Variants in PEX7 observed in about 807,000 individuals in gnomAD.
PEX7 encodes PTS2 receptor.
A neutral mutation model predicts 47.5 loss-of-function variants in PEX7; 34 were observed. That is an observed-to-expected ratio of 0.72 (90% CI 0.54 to 0.95). The LOEUF is 0.95. Ranked by LOEUF, PEX7 falls within the 40% of genes least tolerant of loss-of-function variation. PEX7 has a pLI of 0.00. For synonymous variants in PEX7, 141 were observed against 148.8 expected (o/e 0.95, Z 0.38); for missense variants, 394 against 400.3 (o/e 0.98, Z 0.13).
rs148972321 is a variant in PEX7, at chr6:136,893,072, A to G, written c.804-5070A>G. Among the ~76,000 whole-genome samples the G allele has an allele frequency of 7.2e-3, 1,103 of 152,302 alleles. 20 individuals carry two copies. Among genetic ancestry groups the G allele is most frequent in the African/African-American group, 0.025 (1,041 of 41,570 alleles). ...GAGGTGTATGGGACCCCTCTTCACT[A>G]TCTTCACAAGTTATCTGTAAATTTA... On this transcript the variant is annotated intron_variant, in intron 8 of 9. Transcript: ENST00000318471.
At chr6:136,870,975 A>C (rs1446233567) in intron 7 of PEX7, 1 of 153,612 alleles carries the variant, frequency 6.5e-6, no homozygotes, top group Non-Finnish European at 1.5e-5. Flanking sequence ...CTGGGATTAC[A>C]GGCTGAGTCA....
At chr6:136,889,246 TG>T (rs1010973333) in intron 8 of PEX7, among the ~76,000 whole-genome samples, 2 of 152,208 alleles carry the variant, frequency 1.3e-5, no homozygotes, top group African/African-American at 4.8e-5. Flanking sequence ...AGTATACTTT[TG>T]TAAGTTAAGT....
intron 5 of PEX7, among the ~76,000 whole-genome samples, chr6:136,848,202 T>TG (rs1337713518): frequency 3.3e-5 from 5 of 152,376 alleles, no homozygotes; most frequent in African/African-American, 1.2e-4. Flanking sequence ...TTTTGTATCC[T>TG]GAGACTTTGC....
At chr6:136,897,513 A>G (rs1330718092) in intron 8 of PEX7, among the ~76,000 whole-genome samples, 2 of 152,242 alleles carry the variant, frequency 1.3e-5, no homozygotes, top group Non-Finnish European at 1.5e-5. Context: ...ATATTGGCTC[A>G]GGAAAATACA....
intron 9 of PEX7, among the ~76,000 whole-genome samples, chr6:136,904,084 G>A (rs1304716199): frequency 6.6e-6 from 1 of 152,168 alleles, no homozygotes; most frequent in Non-Finnish European, 1.5e-5. Context: ...ATTCTTTAAT[G>A]AGTTTAGAAA....
At chr6:136,864,504 C>T (rs1212023787) in intron 5 of PEX7, among the ~76,000 whole-genome samples, 8 of 152,160 alleles carry the variant, frequency 5.3e-5, no homozygotes, top group Non-Finnish European at 1.2e-4. Context: ...GGATTAGAAC[C>T]AAGCTCAGGA....
At chr6:136,843,259 G>A (rs1774534845) in intron 3 of PEX7, among the ~76,000 whole-genome samples, 1 of 152,156 alleles carries the variant, frequency 6.6e-6, no homozygotes, top group East Asian at 1.9e-4. Flanking sequence ...TATAAATGAA[G>A]ATTAAATGAA....
At chr6:136,903,298 T>C (rs998164102) in intron 9 of PEX7, among the ~76,000 whole-genome samples, 24 of 151,850 alleles carry the variant, frequency 1.6e-4, no homozygotes, top group Non-Finnish European at 3.2e-4. Context: ...GTGTGTGTAT[T>C]TTTCAAAGTT....
intron 1 of PEX7, chr6:136,823,325 T>C (rs1231212446): frequency 2.0e-6 from 2 of 985,296 alleles, no homozygotes; most frequent in Non-Finnish European, 2.4e-6. Context: ...CCATGAAATA[T>C]ATCAAGTTCA....
chr6:136,886,693 T>C (rs949619140), intron 8 of PEX7, among the ~76,000 whole-genome samples: 6 of 152,122 alleles, frequency 3.9e-5, no homozygotes, highest in African/African-American at 1.4e-4. Flanking sequence ...GTGAATATGG[T>C]GCAGCATGAA....
chr6:136,909,379 C>T (rs561502273), intron 9 of PEX7, among the ~76,000 whole-genome samples: 58 of 152,302 alleles, frequency 3.8e-4, no homozygotes, highest in African/African-American at 1.4e-3. Context: ...ACATCTCTGA[C>T]CTCACACCTA....
At chr6:136,869,732 T>C (rs1775140194) in intron 6 of PEX7, among the ~76,000 whole-genome samples, 158 bp from the exon 7 acceptor site, 2 of 152,218 alleles carry the variant, frequency 1.3e-5, no homozygotes, top group Admixed American at 6.5e-5. Context: ...AATGTCTATG[T>C]TGATTCCTGT....
At position 136,845,614 on chromosome 6, in the gene PEX7, G is replaced by T. The variant is rs780751870; in HGVS notation, c.340-1G>T. 1 of 1,580,052 alleles carries T rather than the reference G, an allele frequency of 6.3e-7. No homozygotes were observed. Among genetic ancestry groups the T allele is most frequent in the Admixed American group, 1.7e-5 (1 of 59,984 alleles). ...TTCTAAACACTTTTCAATGTTTTTA[G>T]GTGTATAGTGTTGATTGGAGCCAAA... On this transcript the variant is annotated splice_acceptor_variant, in intron 3 of 9. Transcript: ENST00000318471. LOFTEE classifies it high-confidence loss of function.
chr6:136,897,356 AGAT>A (rs1049322254), intron 8 of PEX7, among the ~76,000 whole-genome samples: 28 of 152,246 alleles, frequency 1.8e-4, no homozygotes, highest in Non-Finnish European at 2.9e-5. Flanking sequence ...CAAATAAAAA[AGAT>A]GATGAGCAAA....
chr6:136,872,684 A>G (rs968447070), intron 8 of PEX7, among the ~76,000 whole-genome samples: 1 of 152,268 alleles, frequency 6.6e-6, no homozygotes, highest in Admixed American at 6.5e-5. Flanking sequence ...AGATATATGA[A>G]CATGTATGTG....
At chr6:136,882,963 GA>G (rs1347001607) in intron 8 of PEX7, among the ~76,000 whole-genome samples, 1 of 152,136 alleles carries the variant, frequency 6.6e-6, no homozygotes, top group Non-Finnish European at 1.5e-5. Context: ...TGGATCACTA[GA>G]ACCTATAAAA....
chr6:136,856,981 GC>G (rs1235520523), intron 5 of PEX7, among the ~76,000 whole-genome samples: 1 of 152,120 alleles, frequency 6.6e-6, no homozygotes, highest in Non-Finnish European at 1.5e-5. Flanking sequence ...TCAAACATTT[GC>G]CATTTTCCTG....
At chr6:136,888,023 C>G (rs1302708161) in intron 8 of PEX7, among the ~76,000 whole-genome samples, 1 of 151,724 alleles carries the variant, frequency 6.6e-6, no homozygotes, top group African/African-American at 2.4e-5. Context: ...TTTTTTGATC[C>G]TTATGTTTAT....
intron 3 of PEX7, among the ~76,000 whole-genome samples, chr6:136,839,340 A>T (rs1774451987): frequency 6.6e-6 from 1 of 152,222 alleles, no homozygotes. Flanking sequence ...GACAATTTTT[A>T]ATTAAGTAGA....
Sources: gnomAD v4.1 joint callset for allele counts (sites outside exome capture counted in the v4.1 genomes callset) on GRCh38, gnomAD v4.1.1 for gene constraint, MANE v1.5 for transcripts, NCBI Gene and HGNC (gene_info 2026-07-23, HGNC 2026-07-21) for gene names.